OR10AG1: variants seen among roughly 807,000 people sequenced by gnomAD.
OR10AG1 encodes olfactory receptor family 10 subfamily AG member 1.
For missense variants in OR10AG1, 433 were observed against 376.5 expected, an observed-to-expected ratio of 1.15 and a Z score of -1.24; for synonymous variants, 147 against 128.6, an observed-to-expected ratio of 1.14 and a Z score of -0.97.
intron 1 of OR10AG1, among the ~76,000 whole-genome samples, chr11:55,969,400 A>G (rs890968917): frequency 1.3e-5 from 2 of 152,128 alleles, no homozygotes; most frequent in Non-Finnish European, 2.9e-5. Context: ...TAAACAAAAC[A>G]AAACAAAAAC....
chr11:55,966,349 T>C lies in OR10AG1; in HGVS notation c.*1209A>G, dbSNP rs1852688921. 6.6e-6 allele frequency: 1 copy of C among 150,630 alleles called. No individual in the cohort carries two copies. The highest frequency in any genetic ancestry group is 2.1e-4 in the South Asian group (1 of 4,768). 9.3% of individuals were successfully genotyped at this position (150,630 alleles called of 1,614,324 possible). ...CAAAATGCATGCAACAATTGAAGGG[T>C]AGGGTGGAATGGCATATCAGCTGAA... is the stretch of plus-strand genomic sequence containing the variant. On this transcript the variant is annotated 3_prime_UTR_variant, in exon 2 of 2. Coordinates refer to ENST00000641071, the MANE Select transcript of OR10AG1 (RefSeq NM_001005491.2).
Position 55,967,780 on chromosome 11 carries a change from G to A in OR10AG1, c.744C>T (p.Ala248=), listed in dbSNP as rs750354331. The change falls in exon 2 of 2, where the codon GCC becomes GCT. Residue 248 remains alanine, a synonymous_variant. Transcript: ENST00000641071. The part of the protein sequence containing the change: ...KLSSARGKAK[A]FSTCSSHLIV... ...TTAGGTGAGATGAGCAGGTGGAGAAGGCTTTAGCCTTTCCTCTGGCTGATG... is the reference window on the plus strand; with the variant it reads ...TTAGGTGAGATGAGCAGGTGGAGAAAGCTTTAGCCTTTCCTCTGGCTGATG... 2 of 1,613,786 alleles carry A rather than the reference G, an allele frequency of 1.2e-6. No homozygotes were observed. The highest frequency in any genetic ancestry group is 2.7e-5 in the African/African-American group (2 of 74,840).
chr11:55,968,273 T>C lies in OR10AG1; in HGVS notation c.251A>G (p.Tyr84Cys), dbSNP rs1380718450. 2 of 1,613,634 alleles carry C rather than the reference T, an allele frequency of 1.2e-6. No individual in the cohort carries two copies. The highest frequency in any genetic ancestry group is 8.5e-7 in the Non-Finnish European group (1 of 1,179,648). ...CATTCTTGGGATAATGATTGTTACATAACAGATTTCCAAAAGGGAAAAATT... is the reference window on the plus strand; with the variant it reads ...CATTCTTGGGATAATGATTGTTACACAACAGATTTCCAAAAGGGAAAAATT... ...LSNFSLLEIC[Y>C]VTIIIPRMLM... The change falls in exon 2 of 2, where the codon TAT becomes TGT. Residue 84 changes from tyrosine to cysteine, a missense_variant. By Grantham distance (194) the Tyr-to-Cys change is radical. Coordinates refer to ENST00000641071, the MANE Select transcript of OR10AG1 (RefSeq NM_001005491.2).
Position 55,965,762 on chromosome 11 carries a change from T to C in OR10AG1, c.*1796A>G, listed in dbSNP as rs1314769208. The C allele has an allele frequency of 6.6e-6, 1 of 152,086 alleles. No individual in the cohort carries two copies. Among genetic ancestry groups the C allele is most frequent in the African/African-American group, 2.4e-5 (1 of 41,400 alleles). 9.4% of individuals were successfully genotyped at this position (152,086 alleles called of 1,614,324 possible). Reference sequence around the variant, plus strand: ...AACATATTATTTCTTGTGATCTAACTTTATATTCCCCATGTAGTAAATATA... The same window carrying C: ...AACATATTATTTCTTGTGATCTAACCTTATATTCCCCATGTAGTAAATATA... On this transcript the variant is annotated 3_prime_UTR_variant, in exon 2 of 2. Transcript: ENST00000641071.
intron 1 of OR10AG1, among the ~76,000 whole-genome samples, chr11:55,968,727 C>T (rs1852716511): frequency 6.6e-6 from 1 of 151,992 alleles, no homozygotes; most frequent in Non-Finnish European, 1.5e-5. Context: ...TATAATGCAA[C>T]CAGAGGCATT....
Position 55,968,152 on chromosome 11 carries a change from G to A in OR10AG1, c.372C>T (p.Leu124=), listed in dbSNP as rs769963552. The change falls in exon 2 of 2, where the codon CTC becomes CTT. Residue 124 remains leucine, a synonymous_variant. Transcript: ENST00000641071. ...FFLMLGGTEC[L]LLTVMAYDRY... ...GGTCATAGGCCATCACTGTCAGAAG[G>A]AGACACTCCGTGCCTCCAAGCATAA... The A allele has an allele frequency of 8.7e-6, 14 of 1,613,696 alleles. No individual in the cohort carries two copies.
At position 55,967,658 on chromosome 11, in the gene OR10AG1, T is replaced by C. The variant is rs773672962; in HGVS notation, c.866A>G (p.Tyr289Cys). The C allele has an allele frequency of 1.7e-5, 27 of 1,612,960 alleles. No individual in the cohort carries two copies. The highest frequency in any genetic ancestry group is 2.1e-5 in the Non-Finnish European group (25 of 1,179,184). Residue 289 changes from tyrosine (Y) to cysteine (C), a missense_variant, in exon 2 of 2, where the codon TAC becomes TGC. Transcript: ENST00000641071. ...ATTCAAAGTTGGAATCAGAATGGTG[T>C]AGAAAAGAGAAATCAGTTTCCCCAT... ...QRMGKLISLF[Y>C]TILIPTLNPI...
chr11:55,967,466 T>G lies in OR10AG1; in HGVS notation c.*92A>C, dbSNP rs1852698076. The stretch of plus-strand genomic sequence containing the variant: ...GTATTTAAATTTCAGTACTCATTAT[T>G]GAATACCATAGGGACAAAGTTAAAA... On this transcript the variant is annotated 3_prime_UTR_variant, in exon 2 of 2. Coordinates refer to ENST00000641071, the MANE Select transcript of OR10AG1 (RefSeq NM_001005491.2). 5 of 727,532 alleles carry G rather than the reference T, an allele frequency of 6.9e-6. No individual in the cohort carries two copies. Among genetic ancestry groups the G allele is most frequent in the Non-Finnish European group, 1.1e-5 (5 of 436,096 alleles). 45.1% of individuals were successfully genotyped at this position (727,532 alleles called of 1,614,324 possible).
chr11:55,967,641 T>C lies in OR10AG1; in HGVS notation c.883A>G (p.Thr295Ala), dbSNP rs1446495928. ...ISLFYTILIP[T>A]LNPIIYTLRN... is the part of the protein sequence containing the mutation. ...AGGGTATATATAATAGGATTCAAAG[T>C]TGGAATCAGAATGGTGTAGAAAAGA... The change falls in exon 2 of 2, where the codon ACT (threonine) becomes GCT (alanine). Residue 295 changes from threonine (T) to alanine (A), a missense_variant. Coordinates refer to ENST00000641071, the MANE Select transcript of OR10AG1 (RefSeq NM_001005491.2). The C allele has an allele frequency of 6.2e-7, 1 of 1,612,542 alleles. No homozygotes were observed. The highest frequency in any genetic ancestry group is 8.5e-7 in the Non-Finnish European group (1 of 1,178,718).
In OR10AG1 at chr11:55,967,374, C is replaced by T. The variant is rs1321416315; in HGVS notation, c.*184G>A. ...ATCTTGGCACCTTAGTTAAATTGTG[C>T]TCCAACTGCACAGTAGCACATAACT... On this transcript the variant is annotated 3_prime_UTR_variant, in exon 2 of 2. Transcript: ENST00000641071. 3 of 489,010 alleles carry T rather than the reference C, an allele frequency of 6.1e-6. No individual in the cohort carries two copies. The highest frequency in any genetic ancestry group is 1.1e-5 in the Non-Finnish European group (3 of 278,298). The allele number at this position is 489,010 out of a possible 1,614,324, so 30.3% of individuals were successfully genotyped here. A position where few individuals can be genotyped will look rare whatever the true frequency, so the allele number is the denominator to read the frequency against.
At position 55,966,194 on chromosome 11, in the gene OR10AG1, C is replaced by A. The variant is rs1316131871; in HGVS notation, c.*1364G>T. On this transcript the variant is annotated 3_prime_UTR_variant, in exon 2 of 2. Transcript: ENST00000641071. ...CGTTATAAAAGTTTTTGAAAAAACA[C>A]GTTTGTAATAACTATTGAAAATATA... is the stretch of plus-strand genomic sequence containing the variant. The A allele has an allele frequency of 2.7e-5, 4 of 150,720 alleles. No individual in the cohort carries two copies. The highest frequency in any genetic ancestry group is 1.9e-4 in the East Asian group (1 of 5,134). 9.3% of individuals were successfully genotyped at this position (150,720 alleles called of 1,614,324 possible).
chr11:55,969,887 C>A lies in OR10AG1; in HGVS notation c.16+5G>T, dbSNP rs1170415507. On this transcript the variant is annotated splice_donor_5th_base_variant and intron_variant, in intron 1 of 1. Transcript: ENST00000641071. ...AAATAGTCTGTCAACCCAATTATGG[C>A]TTACCTTTAGGGATTTGCATGAAGC... 2 of 398,152 alleles carry A rather than the reference C, an allele frequency of 5.0e-6. No homozygotes were observed. Among genetic ancestry groups the A allele is most frequent in the Non-Finnish European group, 8.9e-6 (2 of 225,948 alleles). 24.7% of individuals were successfully genotyped at this position (398,152 alleles called of 1,614,324 possible). A position where few individuals can be genotyped will look rare whatever the true frequency, so the allele number is the denominator to read the frequency against.
In OR10AG1 at chr11:55,967,424, T is replaced by G. The variant is rs1337535053; in HGVS notation, c.*134A>C. ...TATATTCTGTGAATAAAACACCCCT[T>G]GACATAATGTAAGTTTGTATTTAAA... On this transcript the variant is annotated 3_prime_UTR_variant, in exon 2 of 2. Coordinates refer to ENST00000641071, the MANE Select transcript of OR10AG1 (RefSeq NM_001005491.2). The G allele has an allele frequency of 1.5e-5, 9 of 606,802 alleles. No homozygotes were observed. The highest frequency in any genetic ancestry group is 2.3e-5 in the Non-Finnish European group (8 of 347,638). The allele number at this position is 606,802 out of a possible 1,614,324, so 37.6% of individuals were successfully genotyped here. A position where few individuals can be genotyped will look rare whatever the true frequency, so the allele number is the denominator to read the frequency against.
In OR10AG1 at chr11:55,967,485, G is replaced by GT. The variant is rs757295712; in HGVS notation, c.*72dup. 3.9e-5 allele frequency: 36 copies of GT among 931,152 alleles called. No homozygotes were observed. The highest frequency in any genetic ancestry group is 5.6e-5 in the Non-Finnish European group (34 of 610,346). The allele number at this position is 931,152 out of a possible 1,614,324, so 57.7% of individuals were successfully genotyped here. ...CATTATTGAATACCATAGGGACAAA[G>GT]TTAAAAAAAAATTCACTGAAGCCAC... is the stretch of plus-strand genomic sequence containing the variant. On this transcript the variant is annotated 3_prime_UTR_variant, in exon 2 of 2. Transcript: ENST00000641071.
rs1188976624 is a variant in OR10AG1 at position 55,967,938 on chromosome 11, G to A, written c.586C>T (p.Leu196Phe). Residue 196 changes from leucine to phenylalanine, a missense_variant, in exon 2 of 2, where the codon CTC (leucine) becomes TTC (phenylalanine). Physicochemically the swap from Leu to Phe is conservative, Grantham distance 22. Coordinates refer to ENST00000641071, the MANE Select transcript of OR10AG1 (RefSeq NM_001005491.2). ...NHFFCDIPPI[L>F]KLACGNIFVN... ...AATATGTTTCCACAAGCAAGCTTGA[G>A]TATTGGCGGGATGTCACAAAAGAAA... is the stretch of plus-strand genomic sequence containing the variant. The A allele has an allele frequency of 1.2e-6, 2 of 1,614,080 alleles. No individual in the cohort carries two copies. The highest frequency in any genetic ancestry group is 1.1e-5 in the South Asian group (1 of 91,084).
At position 55,967,744 on chromosome 11, in the gene OR10AG1, G is replaced by T. The variant is rs374304874; in HGVS notation, c.780C>A (p.Ile260=). The change falls in exon 2 of 2, where the codon ATC becomes ATA. Residue 260 remains isoleucine, a synonymous_variant. Transcript: ENST00000641071. ...TGATAGTACCTGCTCCAAAGAATAA[G>T]ATTACAACTATTAGGTGAGATGAGC... ...STCSSHLIVV[I]LFFGAGTITY... is the part of the protein sequence containing the mutation. 1.2e-6 allele frequency: 2 copies of T among 1,613,688 alleles called. No homozygotes were observed. Among genetic ancestry groups the T allele is most frequent in the African/African-American group, 1.3e-5 (1 of 74,836 alleles).
At position 55,968,131 on chromosome 11, in the gene OR10AG1, A is replaced by T. The variant is rs756908905; in HGVS notation, c.393T>A (p.Tyr131Ter). 1 of 1,613,948 alleles carries T rather than the reference A, an allele frequency of 6.2e-7. No homozygotes were observed. Among genetic ancestry groups the T allele is most frequent in the Non-Finnish European group, 8.5e-7 (1 of 1,179,906 alleles). The change falls in exon 2 of 2, where the codon TAT becomes TAA. Residue 131 changes from tyrosine to a stop codon, truncating the protein, a stop_gained. Coordinates refer to ENST00000641071, the MANE Select transcript of OR10AG1 (RefSeq NM_001005491.2). LOFTEE classifies it low-confidence loss of function (END_TRUNC). ...GCTTACAAATAGCCACGTAGCGGTC[A>T]TAGGCCATCACTGTCAGAAGGAGAC... ...TECLLLTVMAYDRYVAICKPL... is the reference protein window; with the variant it reads ...TECLLLTVMA
chr11:55,968,878 AGTTTT>A lies in OR10AG1; in HGVS notation c.17-376_17-372del, dbSNP rs1458472552. 2.6e-5 allele frequency among the ~76,000 whole-genome samples: 4 copies of A among 152,180 alleles called. No homozygotes were observed. In the East Asian group the frequency reaches 7.7e-4, roughly 29 times the overall value. On this transcript the variant is annotated intron_variant, in intron 1 of 1. Coordinates refer to ENST00000641071, the MANE Select transcript of OR10AG1 (RefSeq NM_001005491.2). ...TTCTTTGTATTGGTAGTCATATTCC[AGTTTT>A]TTTAATTCAAAATGTTGCCCTTGAA...
Position 55,966,354 on chromosome 11 carries a change from T to C in OR10AG1, c.*1204A>G, listed in dbSNP as rs996118325. 2.0e-5 allele frequency: 3 copies of C among 150,820 alleles called. No individual in the cohort carries two copies. The highest frequency in any genetic ancestry group is 7.3e-5 in the African/African-American group (3 of 40,886). 9.3% of individuals were successfully genotyped at this position (150,820 alleles called of 1,614,324 possible). On this transcript the variant is annotated 3_prime_UTR_variant, in exon 2 of 2. Coordinates refer to ENST00000641071, the MANE Select transcript of OR10AG1 (RefSeq NM_001005491.2). ...TGCATGCAACAATTGAAGGGTAGGG[T>C]GGAATGGCATATCAGCTGAATCAGC...
Sources: allele counts gnomAD v4.1 joint callset (sites outside exome capture counted in the v4.1 genomes callset), GRCh38; gene constraint gnomAD v4.1.1; transcripts MANE v1.5; gene names NCBI Gene and HGNC (gene_info 2026-07-23, HGNC 2026-07-21).